VGLL3: variants seen among roughly 807,000 people sequenced by gnomAD.
VGLL3 encodes transcription cofactor vestigial-like protein 3.
In VGLL3, 18 loss-of-function variants were observed where a neutral mutation model predicts 29.2. The observed-to-expected ratio is 0.62, with a 90% confidence interval of 0.43 to 0.91. VGLL3 has a LOEUF of 0.91. Ranked by LOEUF, VGLL3 falls within the 40% of genes least tolerant of loss-of-function variation. The pLI is 0.00. For missense variants in VGLL3, 440 were observed against 413.2 expected (o/e 1.06, Z -0.56); for synonymous variants, 180 against 151.8 (o/e 1.19, Z -1.36).
At chr3:86,988,485 G>T (rs769331160) in intron 1 of VGLL3, among the ~76,000 whole-genome samples, 4 of 151,170 alleles carry the variant, frequency 2.6e-5, no homozygotes, top group Non-Finnish European at 5.9e-5. Context: ...AATGCTGTCA[G>T]CCTGATAAGA....
chr3:86,956,557 C>A (rs1046124376), intron 3 of VGLL3, among the ~76,000 whole-genome samples: 2 of 152,018 alleles, frequency 1.3e-5, no homozygotes, highest in Admixed American at 1.3e-4. Context: ...GAGGCCGAGG[C>A]GGGCGGATCA....
At chr3:86,947,529 G>A (rs1427739901) in intron 3 of VGLL3, among the ~76,000 whole-genome samples, 1 of 152,078 alleles carries the variant, frequency 6.6e-6, no homozygotes, top group Non-Finnish European at 1.5e-5. Context: ...ATTTTGAAAT[G>A]TACTCCACAA....
At chr3:86,970,969 C>A (rs1194738074) in intron 2 of VGLL3, among the ~76,000 whole-genome samples, 1 of 152,030 alleles carries the variant, frequency 6.6e-6, no homozygotes, top group African/African-American at 2.4e-5. Context: ...CTGTGAAGTG[C>A]CCTATGGATT....
At chr3:86,978,486 A>G (rs1212727606) in intron 2 of VGLL3, 40 bp downstream of exon 2, 11 of 1,597,168 alleles carry the variant, frequency 6.9e-6, no homozygotes, top group Non-Finnish European at 9.4e-6. Context: ...TTGCGAAACA[A>G]AGACAGTGCC....
At chr3:86,964,437 C>T (rs61594756) in intron 3 of VGLL3, among the ~76,000 whole-genome samples, 12,392 of 152,096 alleles carry the variant, frequency 0.081, 1,335 homozygotes, top group African/African-American at 0.24. Flanking sequence ...TTAATTTCTT[C>T]AAGTAGATAC....
Position 86,949,805 on chromosome 3 carries a change from T to C in VGLL3, c.938-2738A>G, listed in dbSNP as rs570997104. The stretch of plus-strand genomic sequence containing the variant: ...TCATGCCACTGCACTCCAGCCTGGG[T>C]GACAGAGCGAGACTCCATCTCAAAA... On this transcript the variant is annotated intron_variant, in intron 3 of 3. Coordinates refer to ENST00000398399, the MANE Select transcript of VGLL3 (RefSeq NM_016206.4). Among the ~76,000 whole-genome samples, 298 of 133,744 alleles carry C rather than the reference T, an allele frequency of 2.2e-3. 2 individuals carry two copies. In the South Asian group the frequency reaches 0.023, roughly 10 times the overall value. The allele number at this position is 133,744 out of a possible 152,430, so 87.7% of individuals were successfully genotyped here.
Position 86,942,026 on chromosome 3 carries a change from T to C in VGLL3, c.*4998A>G, listed in dbSNP as rs1704410323. The C allele has an allele frequency of 6.6e-6, 1 of 152,184 alleles. No homozygotes were observed. Among genetic ancestry groups the C allele is most frequent in the African/African-American group, 2.4e-5 (1 of 41,462 alleles). 9.4% of individuals were successfully genotyped at this position (152,184 alleles called of 1,614,324 possible). A position where few individuals can be genotyped will look rare whatever the true frequency, so the allele number is the denominator to read the frequency against. Reference sequence around the variant, plus strand: ...GTTAGGCTAAAATTTTTACCTAATTTTTCTATAATGATTTTAATAACAGTT... The same window carrying C: ...GTTAGGCTAAAATTTTTACCTAATTCTTCTATAATGATTTTAATAACAGTT... On this transcript the variant is annotated 3_prime_UTR_variant, in exon 4 of 4. Coordinates refer to ENST00000398399, the MANE Select transcript of VGLL3 (RefSeq NM_016206.4).
intron 1 of VGLL3, among the ~76,000 whole-genome samples, chr3:86,989,549 A>C (rs1290991956): frequency 6.6e-6 from 1 of 152,256 alleles, no homozygotes; most frequent in Non-Finnish European, 1.5e-5. Context: ...ATGTCAGATT[A>C]ATTAACAGCC....
intron 1 of VGLL3, among the ~76,000 whole-genome samples, chr3:86,983,657 G>A (rs1292415058): frequency 5.3e-5 from 8 of 152,080 alleles, no homozygotes; most frequent in Non-Finnish European, 1.2e-4. Context: ...GAAGTGTTGG[G>A]ATTACAGGCA....
At chr3:86,975,032 T>C (rs1705179357) in intron 2 of VGLL3, among the ~76,000 whole-genome samples, 2 of 152,312 alleles carry the variant, frequency 1.3e-5, no homozygotes, top group Admixed American at 6.5e-5. Context: ...TTCATATACA[T>C]TATTTAAAAA....
rs988386546 is a variant in VGLL3, at chr3:86,952,868, G to A, written c.938-5801C>T. Among the ~76,000 whole-genome samples the A allele has an allele frequency of 7.2e-5, 11 of 152,272 alleles. No homozygotes were observed. The East Asian group carries it at 1.9e-3, about 27-fold the overall frequency. ...TTGACATATGATCACAAAAAGGTGCGAGAGACAGTCATACTATTTTCTATT... is the reference window on the plus strand; with the variant it reads ...TTGACATATGATCACAAAAAGGTGCAAGAGACAGTCATACTATTTTCTATT... On this transcript the variant is annotated intron_variant, in intron 3 of 3. Coordinates refer to ENST00000398399, the MANE Select transcript of VGLL3 (RefSeq NM_016206.4).
intron 3 of VGLL3, among the ~76,000 whole-genome samples, chr3:86,966,077 G>A (rs1394846296): frequency 6.6e-6 from 1 of 152,026 alleles, no homozygotes; most frequent in East Asian, 1.9e-4. Flanking sequence ...CCCTCCCACT[G>A]TCTCTTTTTC....
In VGLL3 at chr3:86,990,767, C is replaced by T. The variant is rs1276921174; in HGVS notation, c.-24G>A. 3 of 1,279,578 alleles carry T rather than the reference C, an allele frequency of 2.3e-6. No homozygotes were observed. The highest frequency in any genetic ancestry group is 2.0e-6 in the Non-Finnish European group (2 of 1,011,534). The allele number at this position is 1,279,578 out of a possible 1,614,324, so 79.3% of individuals were successfully genotyped here. On this transcript the variant is annotated 5_prime_UTR_variant, in exon 1 of 4. Transcript: ENST00000398399. ...ATGGCAGCCGGGGCAGTGGCGGCCC[C>T]CGAGCTGCCGCCGCCGCTCTACGCG...
intron 3 of VGLL3, chr3:86,962,560 A>G: frequency 1.0e-6 from 1 of 974,610 alleles, no homozygotes; most frequent in Admixed American, 6.1e-5. Flanking sequence ...AATTTAAAAA[A>G]CAAAAATTTA....
chr3:86,952,648 G>A (rs1704638896), intron 3 of VGLL3, among the ~76,000 whole-genome samples: 2 of 152,036 alleles, frequency 1.3e-5, no homozygotes, highest in South Asian at 4.1e-4. Context: ...GAAGCCATGT[G>A]GATTAGAATG....
At position 86,946,333 on chromosome 3, in the gene VGLL3, G is replaced by C. The variant is rs532963632; in HGVS notation, c.*691C>G. On this transcript the variant is annotated 3_prime_UTR_variant, in exon 4 of 4. Coordinates refer to ENST00000398399, the MANE Select transcript of VGLL3 (RefSeq NM_016206.4). ...ATATAATTCAAAACTAATTGAGCTA[G>C]CATGGAATTAAATCTTTACTGAGAT... 1 of 152,058 alleles carries C rather than the reference G, an allele frequency of 6.6e-6. No homozygotes were observed. Among genetic ancestry groups the C allele is most frequent in the African/African-American group, 2.4e-5 (1 of 41,482 alleles). 9.4% of individuals were successfully genotyped at this position (152,058 alleles called of 1,614,324 possible).
In VGLL3 at chr3:86,945,097, A is replaced by G. The variant is rs1042765594; in HGVS notation, c.*1927T>C. ...CTACTCCCAGGAAATATAAGTTCAT[A>G]TTATTAGTGAGTGGAAGGTATCTTA... On this transcript the variant is annotated 3_prime_UTR_variant, in exon 4 of 4. Transcript: ENST00000398399. The G allele has an allele frequency of 1.3e-5, 2 of 152,224 alleles. No homozygotes were observed. The highest frequency in any genetic ancestry group is 2.9e-5 in the Non-Finnish European group (2 of 68,042). 9.4% of individuals were successfully genotyped at this position (152,224 alleles called of 1,614,324 possible).
Position 86,940,803 on chromosome 3 carries a change from AT to A in VGLL3, c.*6220del, listed in dbSNP as rs1704380662. 1 of 152,002 alleles carries A rather than the reference AT, an allele frequency of 6.6e-6. No individual in the cohort carries two copies. The highest frequency in any genetic ancestry group is 2.1e-4 in the South Asian group (1 of 4,832). 9.4% of individuals were successfully genotyped at this position (152,002 alleles called of 1,614,324 possible). A position where few individuals can be genotyped will look rare whatever the true frequency, so the allele number is the denominator to read the frequency against. Reference sequence around the variant, plus strand: ...ACCCCACAAAAACAGAAAAAAATATATAATTTTATAATTATCTTATAAAGCC... The same window carrying A: ...ACCCCACAAAAACAGAAAAAAATATAAATTTTATAATTATCTTATAAAGCC... On this transcript the variant is annotated 3_prime_UTR_variant, in exon 4 of 4. Transcript: ENST00000398399.
rs1484097266 is a variant in VGLL3 at position 86,947,061 on chromosome 3, T to A, written c.944A>T (p.Gln315Leu). 3.8e-6 allele frequency: 3 copies of A among 780,712 alleles called. No homozygotes were observed. The South Asian group carries it at 4.0e-5, about 10-fold the overall frequency. The allele number at this position is 780,712 out of a possible 1,614,324, so 48.4% of individuals were successfully genotyped here. A position where few individuals can be genotyped will look rare whatever the true frequency, so the allele number is the denominator to read the frequency against. Residue 315 changes from glutamine to leucine, a missense_variant, in exon 4 of 4, where the codon CAG (glutamine) becomes CTG (leucine). Gln to Leu is a moderately radical substitution (Grantham distance 113). Coordinates refer to ENST00000398399, the MANE Select transcript of VGLL3 (RefSeq NM_016206.4). ...VPSVGFDTGLQHQDKSKESPW... is the reference protein window; with the variant it reads ...VPSVGFDTGLLHQDKSKESPW... ...TGATTCCTTACTCTTGTCTTGATGC[T>A]GTAGACCTGGAACAAATGACAATGG...
Sources: gnomAD v4.1 joint callset for allele counts (sites outside exome capture counted in the v4.1 genomes callset) on GRCh38, gnomAD v4.1.1 for gene constraint, MANE v1.5 for transcripts, NCBI Gene and HGNC (gene_info 2026-07-23, HGNC 2026-07-21) for gene names.